GALNTL6: variants seen among roughly 807,000 people sequenced by gnomAD.
GALNTL6 encodes polypeptide N-acetylgalactosaminyltransferase-like 6.
Under a neutral mutation model 73.7 loss-of-function variants are expected in GALNTL6, and 46 were observed. The observed-to-expected ratio is 0.62, with a 90% confidence interval of 0.49 to 0.80. The LOEUF is 0.80. GALNTL6 is among the 30% of genes least tolerant of loss of function. GALNTL6 has a pLI of 0.00. For missense variants in GALNTL6, 604 were observed against 755.0 expected, an observed-to-expected ratio of 0.80 and a Z score of 2.34; for synonymous variants, 259 against 263.7, an observed-to-expected ratio of 0.98 and a Z score of 0.17.
At chr4:171,912,061 G>A (rs79592842) in intron 2 of GALNTL6, among the ~76,000 whole-genome samples, 4,516 of 152,062 alleles carry the variant, frequency 0.03, 202 homozygotes, top group African/African-American at 0.098. Flanking sequence ...AAAATACTGA[G>A]TTCAAGCATA....
chr4:172,847,562 G>A (rs888162886), intron 7 of GALNTL6, among the ~76,000 whole-genome samples: 1 of 151,794 alleles, frequency 6.6e-6, no homozygotes, highest in Non-Finnish European at 1.5e-5. Flanking sequence ...TACTTTTTCT[G>A]TTTAAGTTGC....
chr4:172,140,439 A>G (rs896628897), intron 2 of GALNTL6, among the ~76,000 whole-genome samples: 1 of 152,080 alleles, frequency 6.6e-6, no homozygotes, highest in African/African-American at 2.4e-5. Context: ...ACAAACATCT[A>G]TATAGCATTT....
chr4:173,022,230 T>C (rs1486805874), intron 12 of GALNTL6, among the ~76,000 whole-genome samples: 2 of 124,724 alleles, frequency 1.6e-5, no homozygotes, highest in African/African-American at 6.8e-5. Flanking sequence ...GAAGGAAGTT[T>C]TGAAAGTTTT....
intron 5 of GALNTL6, among the ~76,000 whole-genome samples, chr4:172,555,911 G>C (rs1736124642): frequency 6.6e-6 from 1 of 152,056 alleles, no homozygotes; most frequent in Non-Finnish European, 1.5e-5. Flanking sequence ...CAACATTTCT[G>C]GTTGCTAAAT....
At chr4:172,584,056 G>A (rs1359956181) in intron 5 of GALNTL6, among the ~76,000 whole-genome samples, 1 of 151,870 alleles carries the variant, frequency 6.6e-6, no homozygotes, top group Non-Finnish European at 1.5e-5. Context: ...AAGGCACTAT[G>A]GTATAAGACA....
chr4:172,380,102 C>T (rs1218715038), intron 5 of GALNTL6: 3 of 980,926 alleles, frequency 3.1e-6, no homozygotes, highest in East Asian at 2.4e-5. Context: ...TTGGTGTTTC[C>T]ACTGCTCCTC....
chr4:171,965,636 A>G, intron 2 of GALNTL6, among the ~76,000 whole-genome samples: 1 of 135,620 alleles, frequency 7.4e-6, no homozygotes, highest in Admixed American at 8.6e-5. Context: ...AGCCTGGGCG[A>G]CAGAGCGAGA....
At chr4:172,634,194 A>T (rs1440173348) in intron 5 of GALNTL6, among the ~76,000 whole-genome samples, 1 of 152,178 alleles carries the variant, frequency 6.6e-6, no homozygotes, top group African/African-American at 2.4e-5. Context: ...GGTATAAATT[A>T]TTCATGTTAT....
chr4:172,252,841 G>T (rs1430572689), intron 3 of GALNTL6, among the ~76,000 whole-genome samples: 1 of 151,740 alleles, frequency 6.6e-6, no homozygotes, highest in East Asian at 1.9e-4. Flanking sequence ...TAGAGAAATG[G>T]GCATATGGTT....
rs775313154 is a variant in GALNTL6 at position 172,097,135 on chromosome 4, C to T, written c.139-132521C>T. Among the ~76,000 whole-genome samples the T allele has an allele frequency of 4.6e-5, 7 of 152,172 alleles. No homozygotes were observed. The South Asian group carries it at 8.3e-4, about 18-fold the overall frequency. On this transcript the variant is annotated intron_variant, in intron 2 of 12. Transcript: ENST00000506823. ...GGAAATTTCTTCACAGGCATTTCTT[C>T]AGATAACCTTCCTGTTTTTGGTCGT...
chr4:172,906,755 C>T (rs904732615), intron 8 of GALNTL6, among the ~76,000 whole-genome samples: 27 of 152,204 alleles, frequency 1.8e-4, no homozygotes, highest in African/African-American at 5.5e-4. Context: ...CCTCCAGGGC[C>T]CTCTCATAGC....
At chr4:172,154,133 C>T (rs1734181564) in intron 2 of GALNTL6, among the ~76,000 whole-genome samples, 1 of 145,738 alleles carries the variant, frequency 6.9e-6, no homozygotes. Flanking sequence ...AAATCATGCT[C>T]ATTTTACATA....
intron 10 of GALNTL6, among the ~76,000 whole-genome samples, chr4:172,971,053 C>T (rs1291925351): frequency 6.6e-6 from 1 of 152,194 alleles, no homozygotes; most frequent in African/African-American, 2.4e-5. Context: ...GCCAGTCCCT[C>T]TGTTCAGGGT....
chr4:172,301,681 C>T (rs1396920385), intron 3 of GALNTL6, among the ~76,000 whole-genome samples: 2 of 152,148 alleles, frequency 1.3e-5, no homozygotes, highest in East Asian at 3.9e-4. Context: ...TGCAGAACAG[C>T]AGATATTGGT....
intron 5 of GALNTL6, among the ~76,000 whole-genome samples, chr4:172,520,326 G>A (rs772343918): frequency 8.6e-5 from 13 of 151,608 alleles, no homozygotes; most frequent in Non-Finnish European, 1.3e-4. Flanking sequence ...ATGTACAAAG[G>A]ATAAGTTGTT....
chr4:171,963,318 C>G (rs1352313077), intron 2 of GALNTL6, among the ~76,000 whole-genome samples: 1 of 151,974 alleles, frequency 6.6e-6, no homozygotes, highest in Non-Finnish European at 1.5e-5. Context: ...TTTTTCAATG[C>G]AATGTAAGTT....
Position 172,954,561 on chromosome 4 carries a change from G to T in GALNTL6, c.1371+2303G>T, listed in dbSNP as rs575522819. On this transcript the variant is annotated intron_variant, in intron 10 of 12. Transcript: ENST00000506823. ...GGCTCACTGCAGCCTCAAACTCTTG[G>T]ACTCAAGTGATCCTCCCACCTCAGC... Among the ~76,000 whole-genome samples the T allele has an allele frequency of 2.4e-4, 36 of 152,192 alleles. No homozygotes were observed. The Middle Eastern group carries it at 0.017, about 72-fold the overall frequency.
In GALNTL6 at chr4:172,465,409, G is replaced by A. The variant is rs79974751; in HGVS notation, c.553+116720G>A. On this transcript the variant is annotated intron_variant, in intron 5 of 12. Coordinates refer to ENST00000506823, the MANE Select transcript of GALNTL6 (RefSeq NM_001034845.3). ...GGAGGATGGTGTGAACCTGGGAGGCGGAGCTTGCAGTGAACAGAGATAGAG... is the reference window on the plus strand; with the variant it reads ...GGAGGATGGTGTGAACCTGGGAGGCAGAGCTTGCAGTGAACAGAGATAGAG... Among the ~76,000 whole-genome samples the A allele has an allele frequency of 9.3e-3, 1,409 of 151,940 alleles. 25 individuals are homozygous for A. Among genetic ancestry groups the A allele is most frequent in the African/African-American group, 0.032 (1,327 of 41,434 alleles).
chr4:172,305,914 A>AGG (rs1740117330), intron 3 of GALNTL6, among the ~76,000 whole-genome samples: 3 of 152,156 alleles, frequency 2.0e-5, no homozygotes, highest in Non-Finnish European at 4.4e-5. Context: ...ATGTACAAAT[A>AGG]AAATAAATTT....
Sources: gnomAD v4.1 joint callset for allele counts (sites outside exome capture counted in the v4.1 genomes callset) on GRCh38, gnomAD v4.1.1 for gene constraint, MANE v1.5 for transcripts, NCBI Gene and HGNC (gene_info 2026-07-23, HGNC 2026-07-21) for gene names.